The following TMEM272 variants were observed in gnomAD, a reference collection of about 807,000 sequenced individuals.
TMEM272 encodes long intergenic non-protein coding RNA 282.
Under a neutral mutation model 3.7 loss-of-function variants are expected in TMEM272, and 8 were observed. The ratio of observed to expected loss-of-function variants is 2.17; its 90% CI spans 1.27 to 3.91. TMEM272 has a LOEUF of 3.91. TMEM272 is among the 30% of genes most tolerant of loss of function. TMEM272 has a pLI of 0.00. For missense variants in TMEM272, 166 were observed against 91.5 expected, an observed-to-expected ratio of 1.81 and a Z score of -3.32; for synonymous variants, 63 against 39.8, an observed-to-expected ratio of 1.58 and a Z score of -2.20.
the TMEM272 span, among the ~76,000 whole-genome samples, chr13:51,851,299 A>C: frequency 5.9e-5 from 9 of 151,896 alleles, no homozygotes; most frequent in African/African-American, 2.2e-4. Context: ...ATGTCACTGC[A>C]CTCCAACCTG....
chr13:51,849,581 G>A (rs1956321699), upstream of TMEM272, among the ~76,000 whole-genome samples: 1 of 152,208 alleles, frequency 6.6e-6, no homozygotes. Context: ...TGTGGAACCG[G>A]GCAGTTGTCC....
intron 2 of TMEM272, among the ~76,000 whole-genome samples, chr13:51,835,627 C>T (rs893907296): frequency 9.2e-5 from 14 of 152,182 alleles, no homozygotes; most frequent in African/African-American, 3.4e-4. Context: ...GAAAGGAAAA[C>T]ACTACAGTAT....
intron 4 of TMEM272, among the ~76,000 whole-genome samples, chr13:51,819,567 GC>G (rs1488902851): frequency 6.6e-6 from 1 of 152,118 alleles, no homozygotes; most frequent in East Asian, 1.9e-4. Flanking sequence ...GAGCCACCTG[GC>G]CCCCTTCTCT....
At chr13:51,828,454 G>A (rs1431368183) in intron 2 of TMEM272, among the ~76,000 whole-genome samples, 2 of 152,084 alleles carry the variant, frequency 1.3e-5, no homozygotes, top group African/African-American at 2.4e-5. Context: ...AAAGAGACCC[G>A]AGAAGTTGCC....
intron 4 of TMEM272, 59 bp from the exon 5 acceptor site, chr13:51,817,172 A>G (rs1232144237): frequency 1.1e-5 from 7 of 659,338 alleles, no homozygotes; most frequent in Non-Finnish European, 1.9e-5. Context: ...ACGGGAAGAG[A>G]GGGGATAGAA....
chr13:51,852,970 T>G, the TMEM272 span, among the ~76,000 whole-genome samples: 2 of 152,134 alleles, frequency 1.3e-5, no homozygotes, highest in Admixed American at 6.5e-5. Flanking sequence ...ATGTGTAACT[T>G]TCAACTCCCC....
At chr13:51,848,390 A>G (rs1593603443), upstream of TMEM272, among the ~76,000 whole-genome samples, 2 of 152,184 alleles carry the variant, frequency 1.3e-5, no homozygotes, top group East Asian at 1.9e-4. Flanking sequence ...CACTATTGCC[A>G]TATGAATAAA....
upstream of TMEM272, among the ~76,000 whole-genome samples, chr13:51,846,710 G>A (rs1956308317): frequency 6.6e-6 from 1 of 152,188 alleles, no homozygotes; most frequent in Admixed American, 6.5e-5. Flanking sequence ...GGGACAAGAT[G>A]TGGAGATGGA....
At chr13:51,818,610 A>C (rs1347830491) in intron 4 of TMEM272, among the ~76,000 whole-genome samples, 1 of 152,206 alleles carries the variant, frequency 6.6e-6, no homozygotes, top group Non-Finnish European at 1.5e-5. Flanking sequence ...TAGAGGTACT[A>C]AATAAACATG....
intron 3 of TMEM272, among the ~76,000 whole-genome samples, chr13:51,823,857 G>A (rs908776244): frequency 3.9e-5 from 6 of 152,176 alleles, no homozygotes; most frequent in African/African-American, 1.4e-4. Flanking sequence ...TAAATTCAGG[G>A]CCCAAAACAG....
the TMEM272 span, among the ~76,000 whole-genome samples, chr13:51,886,437 C>T: frequency 6.6e-6 from 1 of 152,070 alleles, no homozygotes; most frequent in Non-Finnish European, 1.5e-5. Flanking sequence ...ATATTATTCC[C>T]ATTTTAAAGA....
the TMEM272 span, among the ~76,000 whole-genome samples, chr13:51,903,974 T>TG: frequency 4.6e-5 from 7 of 151,958 alleles, no homozygotes; most frequent in Admixed American, 2.0e-4. Context: ...TGTGTGTGTT[T>TG]AGAAAGAAGC....
chr13:51,889,899 C>G, the TMEM272 span, among the ~76,000 whole-genome samples: 1 of 152,170 alleles, frequency 6.6e-6, no homozygotes, highest in Admixed American at 6.5e-5. Flanking sequence ...CCTCGGCCCC[C>G]CAAAGTGCTG....
At chr13:51,888,741 G>C in the TMEM272 span, among the ~76,000 whole-genome samples, 1 of 135,004 alleles carries the variant, frequency 7.4e-6, no homozygotes, top group Admixed American at 8.9e-5. Context: ...TGCCTTCCAG[G>C]TTCAAGCGAT....
chr13:51,829,365 C>A (rs1956153467), intron 2 of TMEM272, among the ~76,000 whole-genome samples: 1 of 152,172 alleles, frequency 6.6e-6, no homozygotes, highest in African/African-American at 2.4e-5. Context: ...ATTTTAGTCC[C>A]TTGAACAGTG....
chr13:51,844,384 C>T (rs771100721), intron 1 of TMEM272, among the ~76,000 whole-genome samples: 1 of 152,156 alleles, frequency 6.6e-6, no homozygotes, highest in Non-Finnish European at 1.5e-5. Flanking sequence ...ATACCTGTTC[C>T]TTCAAAGCAG....
chr13:51,852,044 C>T, the TMEM272 span, among the ~76,000 whole-genome samples: 4 of 152,168 alleles, frequency 2.6e-5, no homozygotes, highest in African/African-American at 7.2e-5. Context: ...GGCAAATTCA[C>T]GTGTAATTTT....
the TMEM272 span, among the ~76,000 whole-genome samples, chr13:51,923,074 G>T: frequency 6.6e-6 from 1 of 152,172 alleles, no homozygotes; most frequent in South Asian, 2.1e-4. Flanking sequence ...GCATGGAGTG[G>T]GCTGTCTGAA....
At chr13:51,887,559 CCAGA>C in the TMEM272 span, among the ~76,000 whole-genome samples, 1 of 152,176 alleles carries the variant, frequency 6.6e-6, no homozygotes, top group Non-Finnish European at 1.5e-5. Context: ...CAGGACATGC[CCAGA>C]CAATGAATGT....
Sources: allele counts gnomAD v4.1 joint callset (sites outside exome capture counted in the v4.1 genomes callset), GRCh38; gene constraint gnomAD v4.1.1; transcripts MANE v1.5; gene names NCBI Gene and HGNC (gene_info 2026-07-23, HGNC 2026-07-21).